Variants in SYNJ2 observed in about 807,000 individuals in gnomAD.
SYNJ2 encodes the protein polyphosphatidylinositol phosphatase SYNJ2.
A neutral mutation model predicts 141.3 loss-of-function variants in SYNJ2; 116 were observed. That is an observed-to-expected ratio of 0.82 (90% CI 0.71 to 0.96). The LOEUF is 0.96. Ranked by LOEUF, SYNJ2 falls within the 40% of genes least tolerant of loss-of-function variation. The pLI is 0.00. For missense variants in SYNJ2, 1,873 were observed against 1,934.8 expected (o/e 0.97, Z 0.60); for synonymous variants, 745 against 777.7 (o/e 0.96, Z 0.70).
At chr6:158,052,366 A>C (rs1334526430) in intron 5 of SYNJ2, among the ~76,000 whole-genome samples, 2 of 152,260 alleles carry the variant, frequency 1.3e-5, no homozygotes, top group African/African-American at 4.8e-5. Flanking sequence ...AGTAGGTTGC[A>C]TATATCACAT....
chr6:158,098,850 A>C lies in SYNJ2; in HGVS notation c.*2486A>C, dbSNP rs1023525511. On this transcript the variant is annotated 3_prime_UTR_variant, in exon 27 of 27. Transcript: ENST00000355585. ...TGACCCCAAGCCTAGTCCCTTTTACATCACCATCTTCTCAGACTTCTTGCC... is the reference window on the plus strand; with the variant it reads ...TGACCCCAAGCCTAGTCCCTTTTACCTCACCATCTTCTCAGACTTCTTGCC... 6.6e-6 allele frequency: 1 copy of C among 152,216 alleles called. No individual in the cohort carries two copies. Among genetic ancestry groups the C allele is most frequent in the African/African-American group, 2.4e-5 (1 of 41,442 alleles). The allele number at this position is 152,216 out of a possible 1,614,324, so 9.4% of individuals were successfully genotyped here.
chr6:158,032,804 C>G (rs917238308), intron 3 of SYNJ2, among the ~76,000 whole-genome samples: 1 of 152,170 alleles, frequency 6.6e-6, no homozygotes, highest in Admixed American at 6.5e-5. Flanking sequence ...TGGCTGTCAC[C>G]CTGTCGTTAT....
chr6:158,031,503 C>T (rs540373901), intron 3 of SYNJ2, among the ~76,000 whole-genome samples: 7 of 152,358 alleles, frequency 4.6e-5, no homozygotes, highest in South Asian at 2.1e-4. Context: ...AGCTGTAACA[C>T]GCCAGGGCGT....
At position 158,071,820 on chromosome 6, in the gene SYNJ2, G is replaced by T; in HGVS notation, c.2133+26G>T. 1 of 1,606,182 alleles carries T rather than the reference G, an allele frequency of 6.2e-7. No homozygotes were observed. ...GTGAGCGGCGCCGTGGGGACAGCCAGCACCTCCCTGCTCAGCTCAGTCCCA... is the reference window on the plus strand; with the variant it reads ...GTGAGCGGCGCCGTGGGGACAGCCATCACCTCCCTGCTCAGCTCAGTCCCA... On this transcript the variant is annotated intron_variant, in intron 15 of 26. Coordinates refer to ENST00000355585, the MANE Select transcript of SYNJ2 (RefSeq NM_003898.4). This position sits in a 1 kb window ranked among gnomAD's most constrained non-coding sequence, Gnocchi z 4.3.
chr6:158,039,936 G>A lies in SYNJ2; in HGVS notation c.712-3380G>A, dbSNP rs188293978. Among the ~76,000 whole-genome samples the A allele has an allele frequency of 3.9e-5, 6 of 152,308 alleles. No homozygotes were observed. In the South Asian group the frequency reaches 6.2e-4, roughly 16 times the overall value. On this transcript the variant is annotated intron_variant, in intron 4 of 26. Transcript: ENST00000355585. ...CCCGCTGACCATTTGGAAGTGGAGC[G>A]TGCACACAGGCGGCTGTGCGGTCAT...
intron 1 of SYNJ2, among the ~76,000 whole-genome samples, chr6:157,994,324 T>A (rs971275369): frequency 1.3e-5 from 2 of 152,228 alleles, no homozygotes; most frequent in Non-Finnish European, 2.9e-5. Context: ...GATGAGTGAT[T>A]AGAAGGCTGT....
intron 5 of SYNJ2, 58 bp from the exon 6 acceptor site, chr6:158,054,909 T>C (rs2296510): frequency 0.47 from 747,569 of 1,575,618 alleles, 179,639 homozygotes; most frequent in South Asian, 0.59. Flanking sequence ...GGAAAAACCA[T>C]GGCCTCCTTG....
At chr6:158,092,846 G>A in intron 25 of SYNJ2, 80 bp from the exon 26 acceptor site, 2 of 1,293,380 alleles carry the variant, frequency 1.5e-6, no homozygotes, top group Non-Finnish European at 2.1e-6. Context: ...TGACACTTAG[G>A]ATGTAGACTG....
In SYNJ2 at chr6:158,069,550, T is replaced by A. The variant is rs886359553; in HGVS notation, c.1817T>A (p.Met606Lys). The change falls in exon 14 of 27, where the codon ATG (methionine) becomes AAG (lysine). Residue 606 changes from methionine (M) to lysine (K), a missense_variant. Transcript: ENST00000355585. ...TCTTCCAGTACTACCAACAAGAAGA[T>A]GTGGGGTGAACAGCTTCAGAAAGCC... is the stretch of plus-strand genomic sequence containing the variant. The part of the protein sequence containing the change: ...IVNASTTNKK[M>K]WGEQLQKAIS... 1 of 1,613,420 alleles carries A rather than the reference T, an allele frequency of 6.2e-7. No individual in the cohort carries two copies. The highest frequency in any genetic ancestry group is 1.7e-5 in the Admixed American group (1 of 59,950).
At chr6:158,025,977 A>G (rs1438588725) in intron 2 of SYNJ2, among the ~76,000 whole-genome samples, 1 of 127,198 alleles carries the variant, frequency 7.9e-6, no homozygotes, top group Non-Finnish European at 1.7e-5. Flanking sequence ...TAAATAATAC[A>G]TGCATACATA....
At chr6:158,068,855 T>C (rs1389039770) in intron 13 of SYNJ2, 127 bp downstream of exon 13, 2 of 957,238 alleles carry the variant, frequency 2.1e-6, no homozygotes, top group African/African-American at 3.3e-5. Flanking sequence ...GCCCTGGCTG[T>C]GTGGGGATCT....
At chr6:158,006,648 TACAGGTGCACGCC>T (rs1195450467) in intron 1 of SYNJ2, among the ~76,000 whole-genome samples, 1 of 152,194 alleles carries the variant, frequency 6.6e-6, no homozygotes, top group African/African-American at 2.4e-5. Context: ...TTGCTGGGAT[TACAGGTGCACGCC>T]ACACTCCCAG....
Position 158,040,304 on chromosome 6 carries a change from G to A in SYNJ2, c.712-3012G>A, listed in dbSNP as rs1443289036. ...TGTGCCTTGTGTTTGTTTTTCATGT[G>A]TATGTGTGCAGTGTGTGCATTTATG... On this transcript the variant is annotated intron_variant, in intron 4 of 26. Transcript: ENST00000355585. This position sits in a 1 kb window ranked among gnomAD's most constrained non-coding sequence, Gnocchi z 4.2. 6.6e-6 allele frequency among the ~76,000 whole-genome samples: 1 copy of A among 152,086 alleles called. No homozygotes were observed. The highest frequency in any genetic ancestry group is 1.5e-5 in the Non-Finnish European group (1 of 68,018).
intron 21 of SYNJ2, 49 bp downstream of exon 21, chr6:158,083,646 G>A: frequency 3.1e-6 from 5 of 1,609,028 alleles, no homozygotes; most frequent in Non-Finnish European, 4.2e-6. Context: ...TCTAGCAACA[G>A]GCCTGAGCTT....
At chr6:158,088,928 C>T (rs569503619) in intron 24 of SYNJ2, among the ~76,000 whole-genome samples, 156 bp downstream of exon 24, 1 of 152,282 alleles carries the variant, frequency 6.6e-6, no homozygotes, top group African/African-American at 2.4e-5. Flanking sequence ...CGCAGGTTCT[C>T]CATAGGGCTT....
At chr6:158,000,656 G>T (rs7758206) in intron 1 of SYNJ2, among the ~76,000 whole-genome samples, 1 of 151,758 alleles carries the variant, frequency 6.6e-6, no homozygotes, top group African/African-American at 2.4e-5. Flanking sequence ...AACTCTCCCC[G>T]CCGACCCCCT....
At chr6:158,025,656 A>G (rs561925029) in intron 2 of SYNJ2, among the ~76,000 whole-genome samples, 104 of 147,328 alleles carry the variant, frequency 7.1e-4, no homozygotes, top group Middle Eastern at 8.3e-3. Context: ...GTGAAACTCC[A>G]TCTCAAAAAA....
chr6:158,047,935 A>G (rs1451141112), intron 5 of SYNJ2, among the ~76,000 whole-genome samples: 4 of 152,158 alleles, frequency 2.6e-5, no homozygotes, highest in East Asian at 1.9e-4. Flanking sequence ...TGGTGCCGTG[A>G]GCACTGAATG....
chr6:158,064,890 G>A lies in SYNJ2; in HGVS notation c.1424G>A (p.Gly475Glu), dbSNP rs1477741603. The A allele has an allele frequency of 6.2e-7, 1 of 1,613,698 alleles. No homozygotes were observed. The highest frequency in any genetic ancestry group is 8.5e-7 in the Non-Finnish European group (1 of 1,179,906). Residue 475 changes from glycine to glutamate, a missense_variant, in exon 11 of 27, where the codon GGG becomes GAG. Transcript: ENST00000355585. ...SRTIQSNFFD[G>E]VKQEAIKLLL... ...ACCATCCAGTCCAACTTCTTCGACG[G>A]GGTGAAGCAGGAGGCCATCAAGCTG...
Sources: gnomAD v4.1 joint callset for allele counts (sites outside exome capture counted in the v4.1 genomes callset) on GRCh38, gnomAD v4.1.1 for gene constraint, Gnocchi (gnomAD v3.1) non-coding constraint, MANE v1.5 for transcripts, NCBI Gene and HGNC (gene_info 2026-07-23, HGNC 2026-07-21) for gene names.